The following CHSY1 variants were observed in gnomAD, a reference collection of about 807,000 sequenced individuals.
CHSY1 encodes the protein chondroitin sulfate synthase 1.
CHSY1 carries 13 observed loss-of-function variants against 59.8 expected under a neutral mutation model. That is an observed-to-expected ratio of 0.22 (90% CI 0.14 to 0.35). The LOEUF is 0.35. CHSY1 is among the 10% of genes least tolerant of loss of function. CHSY1 has a pLI of 1.00. For missense variants in CHSY1, 947 were observed against 1,030.6 expected, an observed-to-expected ratio of 0.92 and a Z score of 1.11; for synonymous variants, 459 against 401.2, an observed-to-expected ratio of 1.14 and a Z score of -1.72.
chr15:101,207,297 C>T lies in CHSY1; in HGVS notation c.816+27785G>A, dbSNP rs149897184. On this transcript the variant is annotated intron_variant, in intron 2 of 2. Transcript: ENST00000254190. ...TGGCTGAAAGCAAAGGAAAGAGTTA[C>T]GTCCACATAACCCTTCAGAATGGGA... 2.6e-5 allele frequency among the ~76,000 whole-genome samples: 4 copies of T among 152,332 alleles called. No individual in the cohort carries two copies. In the East Asian group the frequency reaches 7.7e-4, roughly 29 times the overall value.
At chr15:101,179,429 C>T (rs550299818) in intron 2 of CHSY1, among the ~76,000 whole-genome samples, 37 of 152,314 alleles carry the variant, frequency 2.4e-4, no homozygotes, top group African/African-American at 8.7e-4. Flanking sequence ...CAGAAGAACT[C>T]CAGGCAAACA....
At chr15:101,224,302 T>C (rs966470068) in intron 2 of CHSY1, among the ~76,000 whole-genome samples, 2 of 152,188 alleles carry the variant, frequency 1.3e-5, no homozygotes, top group African/African-American at 4.8e-5. Flanking sequence ...AGAATACATA[T>C]ATATAAAACA....
intron 2 of CHSY1, among the ~76,000 whole-genome samples, chr15:101,228,242 A>G (rs2038860055): frequency 6.6e-6 from 1 of 152,180 alleles, no homozygotes; most frequent in Non-Finnish European, 1.5e-5. Context: ...AAACAGGAGT[A>G]AAAATGAGTA....
Position 101,190,948 on chromosome 15 carries a change from G to C in CHSY1, c.817-11968C>G, listed in dbSNP as rs568215277. Among the ~76,000 whole-genome samples the C allele has an allele frequency of 7.9e-5, 12 of 152,350 alleles. No homozygotes were observed. The East Asian group carries it at 1.7e-3, about 22-fold the overall frequency. On this transcript the variant is annotated intron_variant, in intron 2 of 2. Transcript: ENST00000254190. ...ATGCTGGTGAGGACATGGAACAAGA[G>C]GGACTCTCGCTCACTGCCGGGGAGA...
At chr15:101,223,790 G>A (rs559830713) in intron 2 of CHSY1, among the ~76,000 whole-genome samples, 4 of 134,332 alleles carry the variant, frequency 3.0e-5, no homozygotes, top group Non-Finnish European at 6.3e-5. Flanking sequence ...CTCAGGCCTC[G>A]TCTACTACAG....
At chr15:101,179,448 G>C (rs762301860) in intron 2 of CHSY1, among the ~76,000 whole-genome samples, 3 of 152,306 alleles carry the variant, frequency 2.0e-5, no homozygotes, top group African/African-American at 7.2e-5. Flanking sequence ...CAACCTGAGC[G>C]AAGGAGTACC....
At chr15:101,243,725 C>G (rs762908159) in intron 1 of CHSY1, among the ~76,000 whole-genome samples, 6 of 152,240 alleles carry the variant, frequency 3.9e-5, no homozygotes, top group Non-Finnish European at 8.8e-5. Flanking sequence ...AAAACCTGGA[C>G]AAAACCTGCC....
chr15:101,247,806 T>A (rs2039066054), intron 1 of CHSY1, among the ~76,000 whole-genome samples: 1 of 152,228 alleles, frequency 6.6e-6, no homozygotes, highest in Non-Finnish European at 1.5e-5. Context: ...AAATGTGTAA[T>A]GATGGAGATG....
chr15:101,247,715 TCTG>T (rs1354608048), intron 1 of CHSY1, among the ~76,000 whole-genome samples: 7 of 152,182 alleles, frequency 4.6e-5, no homozygotes, highest in African/African-American at 1.7e-4. Flanking sequence ...CTGTTTCTTG[TCTG>T]CTATCAGCTG....
At chr15:101,188,608 A>G (rs1275776475) in intron 2 of CHSY1, among the ~76,000 whole-genome samples, 1 of 152,152 alleles carries the variant, frequency 6.6e-6, no homozygotes, top group Non-Finnish European at 1.5e-5. Flanking sequence ...AAAAAAAAAG[A>G]GAATTATTAT....
intron 1 of CHSY1, 83 bp downstream of exon 1, chr15:101,251,054 A>G: frequency 7.6e-7 from 1 of 1,318,650 alleles, no homozygotes; most frequent in Non-Finnish European, 1.0e-6. Context: ...AAGCGGGCGG[A>G]GGCGAGAGCC....
At chr15:101,239,849 A>C (rs973532296) in intron 1 of CHSY1, among the ~76,000 whole-genome samples, 2 of 151,246 alleles carry the variant, frequency 1.3e-5, no homozygotes, top group Admixed American at 6.6e-5. Flanking sequence ...TACTAGACTG[A>C]GGATGAAGCT....
intron 2 of CHSY1, among the ~76,000 whole-genome samples, chr15:101,227,972 A>G (rs982917616): frequency 1.3e-5 from 2 of 152,330 alleles, no homozygotes; most frequent in South Asian, 4.1e-4. Context: ...AAATAATAGT[A>G]AGTAAATGTC....
chr15:101,234,871 G>T (rs189537007), intron 2 of CHSY1, among the ~76,000 whole-genome samples: 27 of 152,054 alleles, frequency 1.8e-4, no homozygotes, highest in Admixed American at 5.9e-4. Flanking sequence ...TCTCTGGGGG[G>T]AGAAAAAGTA....
chr15:101,244,249 T>C (rs1050754317), intron 1 of CHSY1, among the ~76,000 whole-genome samples: 1 of 152,158 alleles, frequency 6.6e-6, no homozygotes, highest in African/African-American at 2.4e-5. Flanking sequence ...TACATTAAGA[T>C]ACAAAAGCTG....
chr15:101,213,296 ATTTTTTC>A (rs1387073126), intron 2 of CHSY1, among the ~76,000 whole-genome samples: 1 of 151,746 alleles, frequency 6.6e-6, no homozygotes, highest in East Asian at 2.0e-4. Context: ...AAATCCTTGC[ATTTTTTC>A]TGGGAAGTGA....
intron 2 of CHSY1, among the ~76,000 whole-genome samples, chr15:101,219,687 C>T (rs1451131016): frequency 6.6e-6 from 1 of 152,082 alleles, no homozygotes; most frequent in African/African-American, 2.4e-5. Flanking sequence ...AGTACTGTCT[C>T]GTACACCAGT....
intron 1 of CHSY1, among the ~76,000 whole-genome samples, chr15:101,238,420 T>C (rs1567107530): frequency 6.6e-6 from 1 of 152,222 alleles, no homozygotes; most frequent in Non-Finnish European, 1.5e-5. Context: ...CTCTTTCAAG[T>C]AGAGGCAAAA....
intron 2 of CHSY1, among the ~76,000 whole-genome samples, chr15:101,233,228 T>G (rs2038908242): frequency 6.6e-6 from 1 of 152,224 alleles, no homozygotes; most frequent in Non-Finnish European, 1.5e-5. Context: ...TGACACTTTC[T>G]AACTACCTCT....
Sources: allele counts gnomAD v4.1 joint callset (sites outside exome capture counted in the v4.1 genomes callset), GRCh38; gene constraint gnomAD v4.1.1; transcripts MANE v1.5; gene names NCBI Gene and HGNC (gene_info 2026-07-23, HGNC 2026-07-21).